Variants in CRADD observed in about 807,000 individuals in gnomAD.
The protein encoded by CRADD is CARD and death domain containing adaptor protein, also known as death domain-containing protein CRADD.
In CRADD, 9 loss-of-function variants were observed where a neutral mutation model predicts 15.5. That is an observed-to-expected ratio of 0.58 (90% CI 0.35 to 1.01). The LOEUF is 1.01. Among genes scored for constraint, CRADD ranks in the 50% least tolerant of loss-of-function variants. The pLI, the probability that CRADD is intolerant of heterozygous loss-of-function variation, is 0.02. For missense variants in CRADD, 227 were observed against 250.3 expected, an observed-to-expected ratio of 0.91 and a Z score of 0.63; for synonymous variants, 118 against 107.6, an observed-to-expected ratio of 1.10 and a Z score of -0.60.
chr12:93,819,112 G>A (rs1957741026), intron 2 of CRADD, among the ~76,000 whole-genome samples: 2 of 152,248 alleles, frequency 1.3e-5, no homozygotes, highest in Admixed American at 1.3e-4. Context: ...TCACCCATGT[G>A]GGCAGGCCTA....
chr12:93,862,974 A>G (rs1042724362), intron 2 of CRADD, among the ~76,000 whole-genome samples: 2 of 152,214 alleles, frequency 1.3e-5, no homozygotes, highest in Admixed American at 6.5e-5. Context: ...TCCTCCTCCA[A>G]CAATTCATGT....
At chr12:93,823,299 A>G (rs199748647) in intron 2 of CRADD, among the ~76,000 whole-genome samples, 2 of 6,588 alleles carry the variant, frequency 3.0e-4, no homozygotes, top group Non-Finnish European at 5.6e-4. Flanking sequence ...TCTCAAAAAC[A>G]AAAAAAAAAA....
intron 2 of CRADD, among the ~76,000 whole-genome samples, chr12:93,701,295 GAC>G (rs55986038): frequency 0.065 from 9,306 of 143,340 alleles, 285 homozygotes; most frequent in East Asian, 0.12. Context: ...CTCTCTCTGT[GAC>G]ACACACACAC....
intron 2 of CRADD, among the ~76,000 whole-genome samples, chr12:93,756,641 T>C (rs1239483154): frequency 1.3e-5 from 2 of 152,212 alleles, no homozygotes; most frequent in East Asian, 3.8e-4. Context: ...TAAATATTTT[T>C]TGAATGAAGA....
In CRADD at chr12:93,850,368, T is replaced by G. The variant is rs908564636; in HGVS notation, c.*97T>G. 4.1e-6 allele frequency: 6 copies of G among 1,451,852 alleles called. No individual in the cohort carries two copies. The South Asian group carries it at 9.5e-5, about 23-fold the overall frequency. 89.9% of individuals were successfully genotyped at this position (1,451,852 alleles called of 1,614,324 possible). On this transcript the variant is annotated 3_prime_UTR_variant, in exon 3 of 3. Coordinates refer to ENST00000332896, the MANE Select transcript of CRADD (RefSeq NM_003805.5). This position sits in a 1 kb window ranked among gnomAD's most constrained non-coding sequence, Gnocchi z 4.0. ...CAGGTGGTTTTTTGTGTAGGTTTGT[T>G]TTTTATTTTTGATGATCTTCAGATG...
chr12:93,856,426 C>A (rs1003637016), intron 2 of CRADD, among the ~76,000 whole-genome samples: 2 of 152,182 alleles, frequency 1.3e-5, no homozygotes, highest in African/African-American at 4.8e-5. Flanking sequence ...AGGATCTCAG[C>A]CTGCTGGGGA....
intron 2 of CRADD, among the ~76,000 whole-genome samples, chr12:93,841,840 C>A (rs1420616349): frequency 6.6e-6 from 1 of 152,072 alleles, no homozygotes; most frequent in Non-Finnish European, 1.5e-5. Flanking sequence ...GCTTTTTTTT[C>A]TAGTCCCGCA....
At chr12:93,679,161 A>C (rs1166404186) in intron 2 of CRADD, 89 bp downstream of exon 2, 1 of 1,096,510 alleles carries the variant, frequency 9.1e-7, no homozygotes, top group Non-Finnish European at 1.3e-6. Flanking sequence ...TTTGTTTTTG[A>C]GACAGAGTCT....
At chr12:93,677,937 A>T (rs981125040) in intron 1 of CRADD, 3 of 152,320 alleles carry the variant, frequency 2.0e-5, no homozygotes, top group African/African-American at 7.3e-5. Context: ...CTTAACCTTC[A>T]CTGCCTTACA....
intron 2 of CRADD, among the ~76,000 whole-genome samples, chr12:93,832,307 A>G (rs1298178696): frequency 6.6e-6 from 1 of 152,166 alleles, no homozygotes; most frequent in African/African-American, 2.4e-5. Flanking sequence ...TTTGCTTGGT[A>G]AATTTGCGTG....
exon 3 of CRADD, chr12:93,894,646 T>A (rs1958600006): frequency 6.5e-6 from 1 of 152,818 alleles, no homozygotes; most frequent in Non-Finnish European, 1.5e-5. Flanking sequence ...CCTGTCTTCA[T>A]TTAGCAGTAG....
chr12:93,684,984 C>T (rs541046197), intron 2 of CRADD, among the ~76,000 whole-genome samples: 2 of 152,178 alleles, frequency 1.3e-5, no homozygotes, highest in East Asian at 1.9e-4. Flanking sequence ...TTGTGTGGCT[C>T]GTAGCATGAC....
chr12:93,747,325 T>C (rs532964353), intron 2 of CRADD, among the ~76,000 whole-genome samples: 4 of 152,196 alleles, frequency 2.6e-5, no homozygotes, highest in South Asian at 2.1e-4. Flanking sequence ...GGTGATAGTA[T>C]TGGGAGACCT....
intron 2 of CRADD, among the ~76,000 whole-genome samples, chr12:93,785,951 C>A (rs572087842): frequency 1.1e-4 from 17 of 152,272 alleles, no homozygotes; most frequent in Middle Eastern, 3.4e-3. Flanking sequence ...GTGGGATATA[C>A]AGGTAAGACA....
At chr12:93,744,591 G>A (rs888148862) in intron 2 of CRADD, among the ~76,000 whole-genome samples, 5 of 152,116 alleles carry the variant, frequency 3.3e-5, no homozygotes, top group African/African-American at 4.8e-5. Context: ...GGGACTTCTC[G>A]GGAGAGATCT....
At chr12:93,873,739 C>T (rs1314585876) in intron 2 of CRADD, among the ~76,000 whole-genome samples, 1 of 152,150 alleles carries the variant, frequency 6.6e-6, no homozygotes, top group Non-Finnish European at 1.5e-5. Flanking sequence ...GTTGAACCAT[C>T]CTTGCATCCC....
In CRADD at chr12:93,805,938, A is replaced by C. The variant is rs189927704; in HGVS notation, c.299-44032A>C. On this transcript the variant is annotated intron_variant, in intron 2 of 2. Transcript: ENST00000332896. Reference sequence around the variant, plus strand: ...CTGGGCAAAGTACAGCAAGTCCCTGAAGGGGGCTGTAATTTCTCAGGCCTG... The same window carrying C: ...CTGGGCAAAGTACAGCAAGTCCCTGCAGGGGGCTGTAATTTCTCAGGCCTG... 3.2e-3 allele frequency among the ~76,000 whole-genome samples: 494 copies of C among 152,252 alleles called. 4 individuals carry two copies. Among genetic ancestry groups the C allele is most frequent in the Non-Finnish European group, 5.8e-3 (393 of 68,028 alleles).
At chr12:93,757,656 A>G (rs1956906329) in intron 2 of CRADD, among the ~76,000 whole-genome samples, 1 of 152,208 alleles carries the variant, frequency 6.6e-6, no homozygotes, top group Admixed American at 6.5e-5. Flanking sequence ...TTTTTGAGAT[A>G]ACTTTTCTTA....
chr12:93,882,012 T>C (rs1958505538), intron 2 of CRADD, among the ~76,000 whole-genome samples: 1 of 152,006 alleles, frequency 6.6e-6, no homozygotes, highest in Non-Finnish European at 1.5e-5. Context: ...CTGTCCCAGC[T>C]ACTTGGGAGG....
Sources: gnomAD v4.1 joint callset for allele counts (sites outside exome capture counted in the v4.1 genomes callset) on GRCh38, gnomAD v4.1.1 for gene constraint, Gnocchi (gnomAD v3.1) non-coding constraint, MANE v1.5 for transcripts, NCBI Gene and HGNC (gene_info 2026-07-23, HGNC 2026-07-21) for gene names.